Variants in GALNT17 observed in about 807,000 individuals in gnomAD.
The protein encoded by GALNT17 is polypeptide N-acetylgalactosaminyltransferase 17.
Under a neutral mutation model 63.7 loss-of-function variants are expected in GALNT17, and 29 were observed. That is an observed-to-expected ratio of 0.46 (90% CI 0.34 to 0.62). GALNT17 has a LOEUF of 0.62. Ranked by LOEUF, GALNT17 falls within the 20% of genes least tolerant of loss-of-function variation. The probability of loss-of-function intolerance (pLI) is 0.01; values close to 1 mark genes in which losing one functional copy is unlikely to be tolerated. For missense variants in GALNT17, 603 were observed against 799.6 expected (o/e 0.75, Z 2.97); for synonymous variants, 305 against 318.3 (o/e 0.96, Z 0.45).
At chr7:71,408,788 G>T (rs553822529) in intron 3 of GALNT17, among the ~76,000 whole-genome samples, 172 of 152,134 alleles carry the variant, frequency 1.1e-3, no homozygotes, top group African/African-American at 4.0e-3. Context: ...CAGGAGGATC[G>T]CTTGAGCTCA....
intron 1 of GALNT17, among the ~76,000 whole-genome samples, chr7:71,178,999 T>C (rs563929046): frequency 6.6e-6 from 1 of 152,196 alleles, no homozygotes; most frequent in Non-Finnish European, 1.5e-5. Flanking sequence ...TATATTCCTT[T>C]CAATGGATTT....
At chr7:71,190,911 G>A (rs1465822553) in intron 1 of GALNT17, among the ~76,000 whole-genome samples, 1 of 152,136 alleles carries the variant, frequency 6.6e-6, no homozygotes, top group Non-Finnish European at 1.5e-5. Flanking sequence ...GATTTTACAG[G>A]CATGAGCCAC....
chr7:71,332,223 C>T (rs1271726552), intron 1 of GALNT17, among the ~76,000 whole-genome samples: 2 of 151,758 alleles, frequency 1.3e-5, no homozygotes, highest in African/African-American at 4.8e-5. Context: ...TCCTGGATTG[C>T]AATTTTTGCC....
rs574391615 is a variant in GALNT17 at position 71,423,541 on chromosome 7, G to A, written c.962+2436G>A. The stretch of plus-strand genomic sequence containing the variant: ...TTGGTGTTAAGTAAGATAGCACGAT[G>A]GAATAATGAAGTAGGGATGAAGACT... On this transcript the variant is annotated intron_variant, in intron 5 of 10. Coordinates refer to ENST00000333538, the MANE Select transcript of GALNT17 (RefSeq NM_022479.3). Among the ~76,000 whole-genome samples, 128 of 152,230 alleles carry A rather than the reference G, an allele frequency of 8.4e-4. 1 individual carries two copies. The highest frequency in any genetic ancestry group is 3.0e-3 in the African/African-American group (124 of 41,554).
In GALNT17 at chr7:71,252,455, G is replaced by A. The variant is rs561226458; in HGVS notation, c.239-83095G>A. Among the ~76,000 whole-genome samples, 23 of 152,290 alleles carry A rather than the reference G, an allele frequency of 1.5e-4. No individual in the cohort carries two copies. The East Asian group carries it at 1.7e-3, about 12-fold the overall frequency. On this transcript the variant is annotated intron_variant, in intron 1 of 10. Transcript: ENST00000333538. Reference sequence around the variant, plus strand: ...CAGGAGAATCTCTTGAACATGAGAGGCGGAGGCTGCAGTGAGCCAAGATTG... The same window carrying A: ...CAGGAGAATCTCTTGAACATGAGAGACGGAGGCTGCAGTGAGCCAAGATTG...
chr7:71,293,006 G>T (rs1315121860), intron 1 of GALNT17, among the ~76,000 whole-genome samples: 4 of 151,984 alleles, frequency 2.6e-5, no homozygotes, highest in Admixed American at 1.3e-4. Flanking sequence ...CCATCCATGT[G>T]GTCGCAAATG....
chr7:71,482,560 G>A (rs1324871179), intron 5 of GALNT17, among the ~76,000 whole-genome samples: 18 of 152,208 alleles, frequency 1.2e-4, no homozygotes, highest in Non-Finnish European at 2.4e-4. Context: ...CTCCTAGCCT[G>A]TATGGTAAAG....
intron 3 of GALNT17, among the ~76,000 whole-genome samples, chr7:71,398,182 C>G (rs1356893401): frequency 6.6e-6 from 1 of 152,048 alleles, no homozygotes; most frequent in Non-Finnish European, 1.5e-5. Context: ...TTGGAAATTT[C>G]TTGGAATTTT....
At chr7:71,407,517 G>T (rs752946073) in intron 3 of GALNT17, among the ~76,000 whole-genome samples, 1 of 152,184 alleles carries the variant, frequency 6.6e-6, no homozygotes, top group Non-Finnish European at 1.5e-5. Flanking sequence ...GGAGGCTAAG[G>T]CAGGAGCATC....
At chr7:71,671,979 G>T (rs13223809) in intron 8 of GALNT17, among the ~76,000 whole-genome samples, 5,934 of 146,336 alleles carry the variant, frequency 0.041, 136 homozygotes, top group Middle Eastern at 0.074. Context: ...AGTGAGCTGA[G>T]ATCGCGCCAC....
At chr7:71,399,866 T>A (rs1269749145) in intron 3 of GALNT17, among the ~76,000 whole-genome samples, 2 of 152,212 alleles carry the variant, frequency 1.3e-5, no homozygotes, top group Admixed American at 1.3e-4. Flanking sequence ...TTTAAAAAAA[T>A]AGTATTGATG....
At chr7:71,566,731 G>A (rs753012902) in intron 5 of GALNT17, among the ~76,000 whole-genome samples, 2 of 147,928 alleles carry the variant, frequency 1.4e-5, no homozygotes, top group Middle Eastern at 3.5e-3. Context: ...CATCATCACC[G>A]TTTGGTTGCA....
chr7:71,497,926 G>A (rs1302855237), intron 5 of GALNT17, among the ~76,000 whole-genome samples: 2 of 152,160 alleles, frequency 1.3e-5, no homozygotes, highest in Non-Finnish European at 2.9e-5. Flanking sequence ...CCATGAAAAG[G>A]GCAGTTTGCA....
At chr7:71,161,113 C>T in intron 1 of GALNT17, among the ~76,000 whole-genome samples, 1 of 152,184 alleles carries the variant, frequency 6.6e-6, no homozygotes, top group South Asian at 2.1e-4. Context: ...GTGTGAGCCA[C>T]TACACTTGGC....
chr7:71,135,612 G>A (rs1354173250), intron 1 of GALNT17, among the ~76,000 whole-genome samples: 1 of 152,160 alleles, frequency 6.6e-6, no homozygotes, highest in Non-Finnish European at 1.5e-5. Flanking sequence ...AGCCCTTTAA[G>A]ACAGATTTCT....
At chr7:71,458,709 G>C (rs183586028) in intron 5 of GALNT17, among the ~76,000 whole-genome samples, 1 of 152,284 alleles carries the variant, frequency 6.6e-6, no homozygotes, top group East Asian at 1.9e-4. Context: ...GGAGTGGGAA[G>C]AGGATCTTCC....
At chr7:71,464,864 CA>C (rs34978441) in intron 5 of GALNT17, among the ~76,000 whole-genome samples, 23,304 of 152,124 alleles carry the variant, frequency 0.15, 1,857 homozygotes, top group Middle Eastern at 0.23. Context: ...GTTACAATTG[CA>C]GCTGAGTTCA....
chr7:71,607,318 A>G (rs373673712), intron 6 of GALNT17, among the ~76,000 whole-genome samples: 1 of 152,234 alleles, frequency 6.6e-6, no homozygotes, highest in South Asian at 2.1e-4. Flanking sequence ...GACTTCAGTA[A>G]ATTGATGATG....
intron 5 of GALNT17, among the ~76,000 whole-genome samples, chr7:71,442,689 A>G (rs1350833477): frequency 1.3e-5 from 2 of 152,140 alleles, no homozygotes; most frequent in Non-Finnish European, 2.9e-5. Context: ...CTCCTGTGTC[A>G]TTAAGTCATT....
Sources: gnomAD v4.1 joint callset for allele counts (sites outside exome capture counted in the v4.1 genomes callset) on GRCh38, gnomAD v4.1.1 for gene constraint, MANE v1.5 for transcripts, NCBI Gene and HGNC (gene_info 2026-07-23, HGNC 2026-07-21) for gene names.